Variants in PCDHGA3 observed in about 807,000 individuals in gnomAD.
The protein encoded by PCDHGA3 is protocadherin gamma-A3.
PCDHGA3 carries 40 observed loss-of-function variants against 58.5 expected under a neutral mutation model. That is an observed-to-expected ratio of 0.68 (90% CI 0.53 to 0.89). The LOEUF is 0.89. Among genes scored for constraint, PCDHGA3 ranks in the 40% least tolerant of loss-of-function variants. The pLI is 0.00. For synonymous variants in PCDHGA3, 530 were observed against 525.7 expected (o/e 1.01, Z -0.11); for missense variants, 1,223 against 1,195.9 (o/e 1.02, Z -0.33).
intron 1 of PCDHGA3, chr5:141,419,596 G>A (rs377287183): frequency 2.6e-5 from 42 of 1,611,564 alleles, no homozygotes; most frequent in Non-Finnish European, 3.3e-5. Flanking sequence ...ACACAGTGCC[G>A]CGGGCCGCGC....
At chr5:141,408,747 T>C (rs1589683971) in intron 1 of PCDHGA3, 1 of 1,609,868 alleles carries the variant, frequency 6.2e-7, no homozygotes, top group Non-Finnish European at 8.5e-7. Flanking sequence ...TCATTAATGG[T>C]TAGAGTTAAT....
At chr5:141,461,963 C>T (rs1396490046) in intron 1 of PCDHGA3, among the ~76,000 whole-genome samples, 1 of 152,084 alleles carries the variant, frequency 6.6e-6, no homozygotes, top group Non-Finnish European at 1.5e-5. Flanking sequence ...AGCTGGGATT[C>T]CAGGCATATG....
chr5:141,343,909 A>T lies in PCDHGA3; in HGVS notation c.-125A>T, dbSNP rs1757339964. On this transcript the variant is annotated 5_prime_UTR_variant, in exon 1 of 4. Coordinates refer to ENST00000253812, the MANE Select transcript of PCDHGA3 (RefSeq NM_018916.4). The stretch of plus-strand genomic sequence containing the variant: ...GGGGCGGCTGCCAACCTCACCTCTT[A>T]GTCAACCAGCTGTTTGACCTGTGAA... 4.6e-6 allele frequency: 4 copies of T among 877,246 alleles called. No individual in the cohort carries two copies. In the East Asian group the frequency reaches 1.1e-4, roughly 23 times the overall value. The allele number at this position is 877,246 out of a possible 1,614,324, so 54.3% of individuals were successfully genotyped here.
intron 1 of PCDHGA3, among the ~76,000 whole-genome samples, chr5:141,454,353 A>G (rs2098787486): frequency 1.3e-5 from 2 of 152,238 alleles, no homozygotes; most frequent in Non-Finnish European, 2.9e-5. Context: ...AGTTGATCCA[A>G]ACTTAGAAAG....
intron 1 of PCDHGA3, chr5:141,419,197 T>C (rs560134083): frequency 1.2e-6 from 2 of 1,613,966 alleles, no homozygotes; most frequent in South Asian, 1.1e-5. Flanking sequence ...CTGACGTCAA[T>C]GACAACGCGC....
intron 1 of PCDHGA3, chr5:141,395,524 T>G (rs1312171320): frequency 5.1e-6 from 2 of 392,258 alleles, no homozygotes; most frequent in Non-Finnish European, 9.1e-6. Flanking sequence ...CCGTCCATAC[T>G]GGTAATTTTG....
At position 141,345,875 on chromosome 5, in the gene PCDHGA3, G is replaced by C. The variant is rs761228876; in HGVS notation, c.1842G>C (p.Pro614=). ...ACCGCCTGCTCAAGGCCAGCGAGCC[G>C]GGACTCTTCTCGGTGGGTCTGCACA... ...LSYRLLKASE[P]GLFSVGLHTG... Residue 614 remains proline (P), a synonymous_variant, in exon 1 of 4, where the codon CCG becomes CCC. Coordinates refer to ENST00000253812, the MANE Select transcript of PCDHGA3 (RefSeq NM_018916.4). The C allele has an allele frequency of 1.9e-6, 3 of 1,613,370 alleles. No homozygotes were observed. Among genetic ancestry groups the C allele is most frequent in the East Asian group, 4.5e-5 (2 of 44,860 alleles).
intron 1 of PCDHGA3, chr5:141,377,100 C>G (rs941685328): frequency 6.6e-6 from 1 of 152,186 alleles, no homozygotes; most frequent in East Asian, 1.9e-4. Context: ...TCTTTTATAT[C>G]AAAAGAATGT....
intron 1 of PCDHGA3, chr5:141,478,834 A>G: frequency 7.0e-7 from 1 of 1,427,896 alleles, no homozygotes; most frequent in Non-Finnish European, 9.2e-7. Context: ...TTGCTAAGGG[A>G]TGGTTAAGCT....
At chr5:141,402,953 A>G in intron 1 of PCDHGA3, 3 of 1,597,298 alleles carry the variant, frequency 1.9e-6, no homozygotes, top group Middle Eastern at 1.7e-4. Context: ...CGAGGCAGCA[A>G]TGGCAGCTCC....
At chr5:141,437,393 G>T (rs1034237295) in intron 1 of PCDHGA3, among the ~76,000 whole-genome samples, 3 of 152,180 alleles carry the variant, frequency 2.0e-5, no homozygotes, top group Admixed American at 6.5e-5. Flanking sequence ...TTCATCCACT[G>T]CTTTCATTCC....
At chr5:141,437,878 C>A (rs1047761465) in intron 1 of PCDHGA3, among the ~76,000 whole-genome samples, 13 of 151,996 alleles carry the variant, frequency 8.6e-5, no homozygotes, top group Non-Finnish European at 1.5e-4. Flanking sequence ...GCTGGGACTA[C>A]AGGCACACGC....
intron 1 of PCDHGA3, chr5:141,430,789 C>A (rs2097310124): frequency 6.6e-7 from 1 of 1,515,808 alleles, no homozygotes; most frequent in Non-Finnish European, 8.8e-7. Context: ...ACCGGGACTA[C>A]AAAGGGCTTG....
chr5:141,433,259 T>C (rs776486704), intron 1 of PCDHGA3: 3 of 1,380,658 alleles, frequency 2.2e-6, no homozygotes, highest in Non-Finnish European at 3.0e-6. Flanking sequence ...AGCGGTACGA[T>C]CATAGCTCAC....
intron 1 of PCDHGA3, chr5:141,433,179 T>C (rs760574214): frequency 1.2e-5 from 20 of 1,608,614 alleles, no homozygotes; most frequent in Admixed American, 1.7e-5. Flanking sequence ...CATGGGTTAA[T>C]TGAGGTGAGT....
At chr5:141,394,506 C>T (rs1487868399) in intron 1 of PCDHGA3, 1 of 1,614,096 alleles carries the variant, frequency 6.2e-7, no homozygotes, top group Non-Finnish European at 8.5e-7. Flanking sequence ...GATCCTGTAC[C>T]CCGCCCTCCC....
intron 1 of PCDHGA3, among the ~76,000 whole-genome samples, chr5:141,452,585 G>A (rs1310395736): frequency 6.6e-6 from 1 of 151,984 alleles, no homozygotes; most frequent in Non-Finnish European, 1.5e-5. Context: ...TTCCATCTTT[G>A]TATTTTTATT....
chr5:141,419,894 C>T (rs1590201850), intron 1 of PCDHGA3: 2 of 1,613,926 alleles, frequency 1.2e-6, no homozygotes, highest in East Asian at 2.2e-5. Flanking sequence ...CAGCGACCAT[C>T]CCACACCCTC....
Position 141,491,874 on chromosome 5 carries a change from T to G in PCDHGA3, c.2425-2933T>G, listed in dbSNP as rs1160702024. On this transcript the variant is annotated intron_variant, in intron 1 of 3. Coordinates refer to ENST00000253812, the MANE Select transcript of PCDHGA3 (RefSeq NM_018916.4). The surrounding 1 kb of genome is among the most constrained non-coding windows in gnomAD (Gnocchi z 6.9). ...GTTTGCGCGAAACCAGAGTGGCCGA[T>G]TAAGGGATGGGGCTCCGAGCACCGG... 15 of 1,451,168 alleles carry G rather than the reference T, an allele frequency of 1.0e-5. No homozygotes were observed. The highest frequency in any genetic ancestry group is 1.4e-5 in the Non-Finnish European group (15 of 1,098,162). 89.9% of individuals were successfully genotyped at this position (1,451,168 alleles called of 1,614,324 possible). A position where few individuals can be genotyped will look rare whatever the true frequency, so the allele number is the denominator to read the frequency against.
Sources: allele counts gnomAD v4.1 joint callset (sites outside exome capture counted in the v4.1 genomes callset), GRCh38; gene constraint gnomAD v4.1.1; non-coding constraint Gnocchi (gnomAD v3.1); transcripts MANE v1.5; gene names NCBI Gene and HGNC (gene_info 2026-07-23, HGNC 2026-07-21).